Variants in FAM135A observed in about 807,000 individuals in gnomAD.
The protein encoded by FAM135A is family with sequence similarity 135 member A.
FAM135A carries 79 observed loss-of-function variants against 146.8 expected under a neutral mutation model. The ratio of observed to expected loss-of-function variants is 0.54; its 90% CI spans 0.45 to 0.65. The LOEUF is 0.65. Ranked by LOEUF, FAM135A falls within the 30% of genes least tolerant of loss-of-function variation. FAM135A has a pLI of 0.00. For synonymous variants in FAM135A, 562 were observed against 603.6 expected (o/e 0.93, Z 1.01); for missense variants, 1,623 against 1,758.2 (o/e 0.92, Z 1.38).
chr6:70,515,557 A>G (rs1174986575), intron 12 of FAM135A, among the ~76,000 whole-genome samples: 16 of 152,198 alleles, frequency 1.1e-4, no homozygotes, highest in Admixed American at 1.0e-3. Context: ...GGAAAAAGAA[A>G]AACTATGGTG....
At chr6:70,436,608 G>A (rs1466581082) in intron 4 of FAM135A, among the ~76,000 whole-genome samples, 1 of 151,884 alleles carries the variant, frequency 6.6e-6, no homozygotes, top group Non-Finnish European at 1.5e-5. Flanking sequence ...ATTTGATGTT[G>A]GCGATATGAA....
In FAM135A at chr6:70,516,384, A is replaced by G. The variant is rs1440692602; in HGVS notation, c.1030-6129A>G. Among the ~76,000 whole-genome samples, 3 of 152,162 alleles carry G rather than the reference A, an allele frequency of 2.0e-5. No homozygotes were observed. The East Asian group carries it at 5.8e-4, about 29-fold the overall frequency. On this transcript the variant is annotated intron_variant, in intron 12 of 21. Coordinates refer to ENST00000418814, the MANE Select transcript of FAM135A (RefSeq NM_001162529.3). ...CCTGTAGAAGGAGCATGTTTTTGAAATTTATACTTTAAAGCTGCCATATGG... is the reference window on the plus strand; with the variant it reads ...CCTGTAGAAGGAGCATGTTTTTGAAGTTTATACTTTAAAGCTGCCATATGG...
chr6:70,422,396 T>C (rs1769057213), intron 2 of FAM135A, among the ~76,000 whole-genome samples: 1 of 152,236 alleles, frequency 6.6e-6, no homozygotes, highest in Non-Finnish European at 1.5e-5. Context: ...CCCTTTTTTG[T>C]ATTTTTTCTT....
intron 12 of FAM135A, among the ~76,000 whole-genome samples, chr6:70,507,153 T>G (rs551888228): frequency 1.3e-5 from 2 of 152,186 alleles, no homozygotes; most frequent in African/African-American, 4.8e-5. Context: ...AATTGCTAAA[T>G]GAATCATGGA....
chr6:70,425,513 A>C (rs1172470395), intron 2 of FAM135A, among the ~76,000 whole-genome samples: 1 of 152,216 alleles, frequency 6.6e-6, no homozygotes, highest in Non-Finnish European at 1.5e-5. Context: ...TAAAGTCTAC[A>C]TCTTTATAAT....
intron 12 of FAM135A, among the ~76,000 whole-genome samples, chr6:70,520,603 T>C (rs968394153): frequency 6.6e-6 from 1 of 152,190 alleles, no homozygotes; most frequent in Non-Finnish European, 1.5e-5. Context: ...AGTTTTTTTT[T>C]AATTGGGCAC....
chr6:70,508,021 G>T lies in FAM135A; in HGVS notation c.1029+5230G>T, dbSNP rs570358273. Among the ~76,000 whole-genome samples the T allele has an allele frequency of 3.9e-5, 6 of 152,162 alleles. No individual in the cohort carries two copies. In the South Asian group the frequency reaches 1.0e-3, roughly 26 times the overall value. ...ACTTGAGACAAAGGACCTTATTAATGGTAGGATTATCATTTGTTCTCTTTC... is the reference window on the plus strand; with the variant it reads ...ACTTGAGACAAAGGACCTTATTAATTGTAGGATTATCATTTGTTCTCTTTC... On this transcript the variant is annotated intron_variant, in intron 12 of 21. Coordinates refer to ENST00000418814, the MANE Select transcript of FAM135A (RefSeq NM_001162529.3).
At chr6:70,463,524 C>T (rs9294871) in intron 5 of FAM135A, among the ~76,000 whole-genome samples, 31,512 of 151,862 alleles carry the variant, frequency 0.21, 3,547 homozygotes, top group African/African-American at 0.29. Flanking sequence ...CCTCCCAAAG[C>T]GCTAGGATTA....
At chr6:70,469,147 G>T (rs1473054892) in intron 5 of FAM135A, among the ~76,000 whole-genome samples, 1 of 152,016 alleles carries the variant, frequency 6.6e-6, no homozygotes, top group Non-Finnish European at 1.5e-5. Flanking sequence ...ACTCCGTTAG[G>T]ATGTAAGCTC....
intron 12 of FAM135A, among the ~76,000 whole-genome samples, chr6:70,516,416 A>G (rs1437235242): frequency 6.6e-6 from 1 of 152,120 alleles, no homozygotes; most frequent in Non-Finnish European, 1.5e-5. Context: ...ATGGATTAGC[A>G]GGATCCTAGA....
At position 70,524,332 on chromosome 6, in the gene FAM135A, T is replaced by G. The variant is rs915011002; in HGVS notation, c.1259-11T>G. 1 of 1,466,040 alleles carries G rather than the reference T, an allele frequency of 6.8e-7. No individual in the cohort carries two copies. The highest frequency in any genetic ancestry group is 2.9e-5 in the Admixed American group (1 of 34,082). 90.8% of individuals were successfully genotyped at this position (1,466,040 alleles called of 1,614,324 possible). Reference sequence around the variant, plus strand: ...GTTTTAAACCTGAATCTTTTTTTCTTTGGATAAAAGACTTAGATGCACCCT... The same window carrying G: ...GTTTTAAACCTGAATCTTTTTTTCTGTGGATAAAAGACTTAGATGCACCCT... On this transcript the variant is annotated splice_polypyrimidine_tract_variant and intron_variant, in intron 14 of 21. Coordinates refer to ENST00000418814, the MANE Select transcript of FAM135A (RefSeq NM_001162529.3).
At chr6:70,431,895 TATATAAA>T (rs1771738111) in intron 4 of FAM135A, among the ~76,000 whole-genome samples, 1 of 152,020 alleles carries the variant, frequency 6.6e-6, no homozygotes, top group African/African-American at 2.4e-5. Context: ...CTCTGACCTA[TATATAAA>T]ATATATCATT....
In FAM135A at chr6:70,525,203, T is replaced by C. The variant is rs1471150213; in HGVS notation, c.2119T>C (p.Ser707Pro). The C allele has an allele frequency of 6.3e-7, 1 of 1,597,592 alleles. No individual in the cohort carries two copies. Among genetic ancestry groups the C allele is most frequent in the Non-Finnish European group, 8.5e-7 (1 of 1,174,704 alleles). ...CTTAGAATCTAATGGTAAATCTAAA[T>C]CTATAGAAATAACATTTGAAAAGGA... Reference protein sequence around the residue: ...ESLESNGKSKSIEITFEKEAL... With the variant: ...ESLESNGKSKPIEITFEKEAL... The change falls in exon 15 of 22, where the codon TCT becomes CCT. Residue 707 changes from serine to proline, a missense_variant. Coordinates refer to ENST00000418814, the MANE Select transcript of FAM135A (RefSeq NM_001162529.3).
intron 4 of FAM135A, 79 bp from the exon 5 acceptor site, chr6:70,452,413 T>A: frequency 1.0e-6 from 1 of 998,368 alleles, no homozygotes; most frequent in Non-Finnish European, 1.5e-6. Context: ...TATTTTAATA[T>A]GGATACAAAT....
intron 20 of FAM135A, among the ~76,000 whole-genome samples, chr6:70,538,917 C>T (rs1187454681): frequency 8.5e-6 from 1 of 118,138 alleles, no homozygotes; most frequent in Admixed American, 7.9e-5. Context: ...ATTATCCTTT[C>T]TACAATTCTC....
chr6:70,462,171 T>C (rs1365956373), intron 5 of FAM135A, among the ~76,000 whole-genome samples: 1 of 152,238 alleles, frequency 6.6e-6, no homozygotes, highest in African/African-American at 2.4e-5. Flanking sequence ...TAACTTTTTT[T>C]ATAGCTCCTT....
At chr6:70,465,527 C>T (rs564103530) in intron 5 of FAM135A, among the ~76,000 whole-genome samples, 1 of 152,132 alleles carries the variant, frequency 6.6e-6, no homozygotes, top group South Asian at 2.1e-4. Context: ...TTAAGTAGTC[C>T]TCCTACCTCA....
Position 70,444,630 on chromosome 6 carries a change from A to G in FAM135A, c.78-7862A>G, listed in dbSNP as rs138179198. ...AAATTTTATATCTTTTAAAGTAGCAATAATTTTAATTAAAAATGTATTTAC... is the reference window on the plus strand; with the variant it reads ...AAATTTTATATCTTTTAAAGTAGCAGTAATTTTAATTAAAAATGTATTTAC... On this transcript the variant is annotated intron_variant, in intron 4 of 21. Transcript: ENST00000418814. 3.2e-3 allele frequency among the ~76,000 whole-genome samples: 483 copies of G among 152,300 alleles called. 1 individual carries two copies. The highest frequency in any genetic ancestry group is 0.01 in the African/African-American group (419 of 41,584).
intron 5 of FAM135A, among the ~76,000 whole-genome samples, chr6:70,467,118 T>C (rs764670819): frequency 6.6e-6 from 1 of 152,214 alleles, no homozygotes; most frequent in Non-Finnish European, 1.5e-5. Flanking sequence ...GAAATAAATA[T>C]TTTGAAGCCT....
Sources: allele counts gnomAD v4.1 joint callset (sites outside exome capture counted in the v4.1 genomes callset), GRCh38; gene constraint gnomAD v4.1.1; transcripts MANE v1.5; gene names NCBI Gene and HGNC (gene_info 2026-07-23, HGNC 2026-07-21).